Variants in NPAS2 observed in about 807,000 individuals in gnomAD.
NPAS2 encodes neuronal PAS domain-containing protein 2.
Under a neutral mutation model 107.5 loss-of-function variants are expected in NPAS2, and 23 were observed. The ratio of observed to expected loss-of-function variants is 0.21; its 90% CI spans 0.15 to 0.30. The LOEUF (loss-of-function observed/expected upper bound fraction) is 0.30, where lower values mean the gene tolerates loss of function less well. Ranked by LOEUF, NPAS2 falls within the 10% of genes least tolerant of loss-of-function variation. The pLI is 1.00. For synonymous variants in NPAS2, 403 were observed against 417.5 expected, an observed-to-expected ratio of 0.97 and a Z score of 0.42; for missense variants, 756 against 1,043.3, an observed-to-expected ratio of 0.72 and a Z score of 3.79.
At chr2:100,828,521 T>C (rs948429939) in intron 1 of NPAS2, among the ~76,000 whole-genome samples, 2 of 152,212 alleles carry the variant, frequency 1.3e-5, no homozygotes, top group Non-Finnish European at 2.9e-5. Flanking sequence ...AGGATTCTTA[T>C]GATTGAAGTC....
At position 100,968,426 on chromosome 2, in the gene NPAS2, C is replaced by T; in HGVS notation, c.1053C>T (p.Val351=). 6.2e-7 allele frequency: 1 copy of T among 1,613,836 alleles called. No individual in the cohort carries two copies. The highest frequency in any genetic ancestry group is 8.5e-7 in the Non-Finnish European group (1 of 1,179,856). The change falls in exon 11 of 21, where the codon GTC becomes GTT. Residue 351 remains valine, a splice_region_variant and synonymous_variant. Transcript: ENST00000335681. This position sits in a 1 kb window ranked among gnomAD's most constrained non-coding sequence, Gnocchi z 5.3. ...TCATCGTGTGCACACACTCGGTGGTCAGGTACCGCGCACGGGCAGGGGTGC... is the reference window on the plus strand; with the variant it reads ...TCATCGTGTGCACACACTCGGTGGTTAGGTACCGCGCACGGGCAGGGGTGC... ...PEFIVCTHSV[V]SYADVRVERR...
intron 1 of NPAS2, among the ~76,000 whole-genome samples, chr2:100,830,869 G>C (rs1676686049): frequency 6.6e-6 from 1 of 152,214 alleles, no homozygotes; most frequent in Admixed American, 6.5e-5. Context: ...AAACAGTGCT[G>C]ATCACTGCCT....
At position 100,931,632 on chromosome 2, in the gene NPAS2, G is replaced by C. The variant is rs558358902; in HGVS notation, c.182-1278G>C. Reference sequence around the variant, plus strand: ...CTCCTGAGGAGCTGGGACTACAGGAGCCCACCACCACTCCCGGCTAATATT... The same window carrying C: ...CTCCTGAGGAGCTGGGACTACAGGACCCCACCACCACTCCCGGCTAATATT... On this transcript the variant is annotated intron_variant, in intron 3 of 20. Transcript: ENST00000335681. 1.6e-3 allele frequency among the ~76,000 whole-genome samples: 240 copies of C among 151,992 alleles called. 1 individual carries two copies. Among genetic ancestry groups the C allele is most frequent in the Middle Eastern group, 3.4e-3 (1 of 294 alleles).
At chr2:100,878,643 C>T (rs942282257) in intron 1 of NPAS2, 30 of 984,786 alleles carry the variant, frequency 3.0e-5, no homozygotes, top group East Asian at 2.3e-4. Context: ...GGTAACTTTG[C>T]GGTTTTGTTT....
chr2:100,954,850 C>T (rs1397386564), intron 7 of NPAS2, among the ~76,000 whole-genome samples: 1 of 149,876 alleles, frequency 6.7e-6, no homozygotes, highest in African/African-American at 2.5e-5. Flanking sequence ...CCACTAACAT[C>T]ATTTTTTTGT....
intron 7 of NPAS2, among the ~76,000 whole-genome samples, chr2:100,962,186 A>G (rs1479403937): frequency 6.6e-6 from 1 of 152,110 alleles, no homozygotes; most frequent in East Asian, 1.9e-4. Context: ...TGCCCACTTT[A>G]TATTCATGTT....
At chr2:100,889,139 A>T (rs1680896338) in intron 1 of NPAS2, among the ~76,000 whole-genome samples, 1 of 152,244 alleles carries the variant, frequency 6.6e-6, no homozygotes, top group African/African-American at 2.4e-5. Context: ...TAGAGATGAC[A>T]TAAAAGTCAG....
At chr2:100,973,504 G>A (rs1328916091) in intron 12 of NPAS2, among the ~76,000 whole-genome samples, 1 of 152,204 alleles carries the variant, frequency 6.6e-6, no homozygotes, top group Non-Finnish European at 1.5e-5. Context: ...TAACCAAGCA[G>A]CAAGGTCCCC....
intron 8 of NPAS2, 22 bp from the exon 9 acceptor site, chr2:100,964,839 T>G (rs199641926): frequency 6.4e-7 from 1 of 1,558,686 alleles, no homozygotes; most frequent in Non-Finnish European, 8.7e-7. Context: ...CAACTTTTTT[T>G]TTTTTTCTGC....
At position 100,987,896 on chromosome 2, in the gene NPAS2, G is replaced by A. The variant is rs1293379998; in HGVS notation, c.1630-183G>A. On this transcript the variant is annotated intron_variant, in intron 16 of 20. Transcript: ENST00000335681. ...TGTCTCTCCAGCCCATGGCTCTGTG[G>A]CCAGTGCCTGACACTGAGCTTGGGG... 6 of 680,934 alleles carry A rather than the reference G, an allele frequency of 8.8e-6. No individual in the cohort carries two copies. In the African/African-American group the frequency reaches 8.9e-5, roughly 10 times the overall value. The allele number at this position is 680,934 out of a possible 1,614,324, so 42.2% of individuals were successfully genotyped here.
At chr2:100,919,699 G>A (rs1238548082) in intron 2 of NPAS2, among the ~76,000 whole-genome samples, 1 of 152,076 alleles carries the variant, frequency 6.6e-6, no homozygotes, top group African/African-American at 2.4e-5. Flanking sequence ...CGGTCTCCCC[G>A]TGCCTCCCCA....
At chr2:100,870,765 C>A (rs995527341) in intron 1 of NPAS2, among the ~76,000 whole-genome samples, 6 of 152,286 alleles carry the variant, frequency 3.9e-5, no homozygotes, top group African/African-American at 1.4e-4. Context: ...TGTAGTTGGG[C>A]ACACACCCCC....
intron 17 of NPAS2, chr2:100,989,077 C>A: frequency 5.9e-6 from 1 of 169,368 alleles, no homozygotes; most frequent in South Asian, 1.2e-4. Context: ...AGTGACCTTG[C>A]AATTGGACAA....
At chr2:100,881,154 CAG>C (rs1220800373) in intron 1 of NPAS2, among the ~76,000 whole-genome samples, 3 of 152,244 alleles carry the variant, frequency 2.0e-5, no homozygotes, top group African/African-American at 7.2e-5. Context: ...TAGGTGGAAA[CAG>C]ATGACCTTTT....
At chr2:100,979,574 C>T (rs1235933524) in intron 15 of NPAS2, among the ~76,000 whole-genome samples, 1 of 138,280 alleles carries the variant, frequency 7.2e-6, no homozygotes, top group African/African-American at 2.8e-5. Flanking sequence ...AGTGCAATGG[C>T]ACCATCTTGG....
At chr2:100,860,392 CG>C (rs1303896638) in intron 1 of NPAS2, among the ~76,000 whole-genome samples, 1 of 152,154 alleles carries the variant, frequency 6.6e-6, no homozygotes, top group Non-Finnish European at 1.5e-5. Flanking sequence ...TTGATTAAGG[CG>C]GTATCTGCCA....
Position 100,904,866 on chromosome 2 carries a change from C to T in NPAS2, c.32+80C>T, listed in dbSNP as rs766592586. The stretch of plus-strand genomic sequence containing the variant: ...CCTGGCAGAATCTCGCTGGCTTTCA[C>T]TCTGTGCAGGTGAGGCCACCAGCAA... On this transcript the variant is annotated intron_variant, in intron 2 of 20. Coordinates refer to ENST00000335681, the MANE Select transcript of NPAS2 (RefSeq NM_002518.4). 4.0e-5 allele frequency: 42 copies of T among 1,055,944 alleles called. No individual in the cohort carries two copies. The Middle Eastern group carries it at 7.1e-4, about 18-fold the overall frequency. The allele number at this position is 1,055,944 out of a possible 1,614,324, so 65.4% of individuals were successfully genotyped here. A position where few individuals can be genotyped will look rare whatever the true frequency, so the allele number is the denominator to read the frequency against.
At chr2:100,982,517 C>T in intron 16 of NPAS2, 140 bp downstream of exon 16, 1 of 959,260 alleles carries the variant, frequency 1.0e-6, no homozygotes, top group Non-Finnish European at 1.5e-6. Context: ...AAGCATATTG[C>T]AGTCTCTGCA....
At chr2:100,829,146 T>C (rs928416522) in intron 1 of NPAS2, among the ~76,000 whole-genome samples, 1 of 151,938 alleles carries the variant, frequency 6.6e-6, no homozygotes, top group Non-Finnish European at 1.5e-5. Context: ...GTATTTTATA[T>C]TTTAATGGCT....
Sources: gnomAD v4.1 joint callset for allele counts (sites outside exome capture counted in the v4.1 genomes callset) on GRCh38, gnomAD v4.1.1 for gene constraint, Gnocchi (gnomAD v3.1) non-coding constraint, MANE v1.5 for transcripts, NCBI Gene and HGNC (gene_info 2026-07-23, HGNC 2026-07-21) for gene names.